The following PROC variants were observed in gnomAD, a reference collection of about 807,000 sequenced individuals.
The protein encoded by PROC is vitamin K-dependent protein C.
In PROC, 22 loss-of-function variants were observed where a neutral mutation model predicts 36.3. The ratio of observed to expected loss-of-function variants is 0.61; its 90% CI spans 0.43 to 0.86. The LOEUF (loss-of-function observed/expected upper bound fraction) is 0.86. Ranked by LOEUF, PROC falls within the 40% of genes least tolerant of loss-of-function variation. PROC has a pLI of 0.00. For synonymous variants in PROC, 218 were observed against 244.5 expected (o/e 0.89, Z 1.01); for missense variants, 526 against 629.7 (o/e 0.84, Z 1.76).
At chr2:127,427,406 G>A (rs1688584401) in intron 8 of PROC, among the ~76,000 whole-genome samples, 184 bp downstream of exon 8, 1 of 136,792 alleles carries the variant, frequency 7.3e-6, no homozygotes, top group Non-Finnish European at 1.6e-5. Context: ...TGTACACCCA[G>A]TATTTTGCAG....
chr2:127,423,527 G>T, intron 6 of PROC, 119 bp downstream of exon 6: 2 of 1,353,738 alleles, frequency 1.5e-6, no homozygotes, highest in Non-Finnish European at 2.0e-6. Context: ...GAGGAACAGA[G>T]TTGAGCCTTG....
At chr2:127,421,893 ATTGTTCAG>A (rs1344924819) in intron 3 of PROC, among the ~76,000 whole-genome samples, 1 of 152,138 alleles carries the variant, frequency 6.6e-6, no homozygotes, top group East Asian at 1.9e-4. Flanking sequence ...AGAAAATCTG[ATTGTTCAG>A]GGGGTCGGAA....
At chr2:127,421,189 G>A (rs1688069103) in intron 2 of PROC, 94 bp from the exon 3 acceptor site, 1 of 1,353,028 alleles carries the variant, frequency 7.4e-7, no homozygotes, top group African/African-American at 1.4e-5. Flanking sequence ...GACCTTCCCA[G>A]GCTCTCCCAG....
chr2:127,427,547 C>T (rs1688594302), intron 8 of PROC, among the ~76,000 whole-genome samples: 1 of 152,104 alleles, frequency 6.6e-6, no homozygotes, highest in Non-Finnish European at 1.5e-5. Context: ...CCTCAGCACC[C>T]TTGGGTGCAG....
Position 127,427,356 on chromosome 2 carries a change from T to A in PROC, c.796+134T>A. The stretch of plus-strand genomic sequence containing the variant: ...CTTCTTGAGCTCCACAGAAGGTGTT[T>A]GGGGGGAAGAGGCCTATGTGCCCCC... On this transcript the variant is annotated intron_variant, in intron 8 of 8. Coordinates refer to ENST00000234071, the MANE Select transcript of PROC (RefSeq NM_000312.4). 3 of 786,614 alleles carry A rather than the reference T, an allele frequency of 3.8e-6. No individual in the cohort carries two copies. In the East Asian group the frequency reaches 8.0e-5, roughly 21 times the overall value. The allele number at this position is 786,614 out of a possible 1,614,324, so 48.7% of individuals were successfully genotyped here. A position where few individuals can be genotyped will look rare whatever the true frequency, so the allele number is the denominator to read the frequency against.
chr2:127,423,630 T>C, intron 6 of PROC: 1 of 622,620 alleles, frequency 1.6e-6, no homozygotes, highest in Non-Finnish European at 2.5e-6. Context: ...GCTTCCTTTC[T>C]TCCTGGCGTC....
At position 127,428,904 on chromosome 2, in the gene PROC, C is replaced by T. The variant is rs367727016; in HGVS notation, c.1344C>T (p.His448=). Residue 448 remains histidine, a synonymous_variant, in exon 9 of 9, where the codon CAC becomes CAT. Coordinates refer to ENST00000234071, the MANE Select transcript of PROC (RefSeq NM_000312.4). ...GCTACCTCGACTGGATCCATGGGCA[C>T]ATCAGAGACAAGGAAGCCCCCCAGA... ...VSRYLDWIHG[H]IRDKEAPQKS... The T allele has an allele frequency of 1.9e-6, 3 of 1,613,978 alleles. No homozygotes were observed. The highest frequency in any genetic ancestry group is 1.1e-5 in the South Asian group (1 of 91,084).
At position 127,426,409 on chromosome 2, in the gene PROC, A is replaced by G; in HGVS notation, c.678+182A>G. The G allele has an allele frequency of 2.0e-6, 1 of 491,748 alleles. No homozygotes were observed. The allele number at this position is 491,748 out of a possible 1,614,324, so 30.5% of individuals were successfully genotyped here. A position where few individuals can be genotyped will look rare whatever the true frequency, so the allele number is the denominator to read the frequency against. On this transcript the variant is annotated intron_variant, in intron 7 of 8. Transcript: ENST00000234071. This position sits in a 1 kb window ranked among gnomAD's most constrained non-coding sequence, Gnocchi z 7.0. ...GCAACCTGAGGGGAGAGGAGCAGCC[A>G]GGGTGGGTGAGGGGAGGGGCATGGG...
In PROC at chr2:127,429,212, T is replaced by G; in HGVS notation, c.*266T>G. 2.1e-6 allele frequency: 1 copy of G among 476,416 alleles called. No homozygotes were observed. Among genetic ancestry groups the G allele is most frequent in the East Asian group, 3.7e-5 (1 of 27,178 alleles). The allele number at this position is 476,416 out of a possible 1,614,324, so 29.5% of individuals were successfully genotyped here. The stretch of plus-strand genomic sequence containing the variant: ...TGTGTGTTGAGGGGGATACTCTGTT[T>G]ATGAAAAAGAATAAAAAACACAACC... On this transcript the variant is annotated 3_prime_UTR_variant, in exon 9 of 9. Transcript: ENST00000234071.
chr2:127,423,668 C>G, intron 6 of PROC: 1 of 501,166 alleles, frequency 2.0e-6, no homozygotes, highest in Admixed American at 4.0e-5. Context: ...GCCCCCTGCG[C>G]ACCTGGGGCC....
rs1334535173 is a variant in PROC at position 127,418,498 on chromosome 2, T to G, written c.-22+6T>G. On this transcript the variant is annotated splice_donor_region_variant and intron_variant, in intron 1 of 8. Coordinates refer to ENST00000234071, the MANE Select transcript of PROC (RefSeq NM_000312.4). This position sits in a 1 kb window ranked among gnomAD's most constrained non-coding sequence, Gnocchi z 4.8. ...TATCTCCACGACCCGCCCCTGTGAGTCCCCCTCCAGGCAGGTCTATGAGGG... is the reference window on the plus strand; with the variant it reads ...TATCTCCACGACCCGCCCCTGTGAGGCCCCCTCCAGGCAGGTCTATGAGGG... The G allele has an allele frequency of 7.8e-7, 1 of 1,289,304 alleles. No homozygotes were observed. Among genetic ancestry groups the G allele is most frequent in the Non-Finnish European group, 1.0e-6 (1 of 988,730 alleles). 79.9% of individuals were successfully genotyped at this position (1,289,304 alleles called of 1,614,324 possible).
intron 1 of PROC, 59 bp from the exon 2 acceptor site, chr2:127,419,863 G>A (rs753795993): frequency 5.0e-6 from 8 of 1,612,512 alleles, no homozygotes; most frequent in Non-Finnish European, 6.8e-6. Flanking sequence ...TCCACCTGGG[G>A]GTGCAGGCAG....
chr2:127,426,574 C>T lies in PROC; in HGVS notation c.678+347C>T, dbSNP rs1688515104. On this transcript the variant is annotated intron_variant, in intron 7 of 8. Coordinates refer to ENST00000234071, the MANE Select transcript of PROC (RefSeq NM_000312.4). This position sits in a 1 kb window ranked among gnomAD's most constrained non-coding sequence, Gnocchi z 7.0. Reference sequence around the variant, plus strand: ...GGAGGGCCGGGCCTGAGTACCCCTCCAGCCTCCACATGGGAACTGACACTT... The same window carrying T: ...GGAGGGCCGGGCCTGAGTACCCCTCTAGCCTCCACATGGGAACTGACACTT... 3 of 389,438 alleles carry T rather than the reference C, an allele frequency of 7.7e-6. No individual in the cohort carries two copies. Among genetic ancestry groups the T allele is most frequent in the South Asian group, 6.9e-5 (3 of 43,538 alleles). The allele number at this position is 389,438 out of a possible 1,614,324, so 24.1% of individuals were successfully genotyped here.
Position 127,426,120 on chromosome 2 carries a change from G to C in PROC, c.571G>C (p.Glu191Gln), listed in dbSNP as rs777364878. ...FPCGRPWKRM[E>Q]KKRSHLKRDT... ...TTGTGGGAGGCCCTGGAAGCGGATG[G>C]AGAAGAAGCGCAGTCACCTGAAACG... is the stretch of plus-strand genomic sequence containing the variant. Residue 191 changes from glutamate (E) to glutamine (Q), a missense_variant, in exon 7 of 9, where the codon GAG becomes CAG. Physicochemically the swap from Glu to Gln is conservative, Grantham distance 29 (BLOSUM62 2). Transcript: ENST00000234071. The surrounding 1 kb of genome is among the most constrained non-coding windows in gnomAD (Gnocchi z 7.0). 7.9e-5 allele frequency: 128 copies of C among 1,614,004 alleles called. No individual in the cohort carries two copies. Among genetic ancestry groups the C allele is most frequent in the Non-Finnish European group, 1.1e-4 (124 of 1,180,038 alleles).
Position 127,428,527 on chromosome 2 carries a change from A to C in PROC, c.967A>C (p.Ser323Arg). 1.2e-6 allele frequency: 2 copies of C among 1,614,000 alleles called. No individual in the cohort carries two copies. Among genetic ancestry groups the C allele is most frequent in the South Asian group, 1.1e-5 (1 of 91,088 alleles). Residue 323 changes from serine (S) to arginine (R), a missense_variant, in exon 9 of 9, where the codon AGC becomes CGC. Transcript: ENST00000234071. ...CATAGTGCCCATCTGCCTCCCGGAC[A>C]GCGGCCTTGCAGAGCGCGAGCTCAA... ...QTIVPICLPD[S>R]GLAERELNQA...
intron 6 of PROC, among the ~76,000 whole-genome samples, chr2:127,424,915 C>T (rs558246030): frequency 1.2e-4 from 19 of 152,246 alleles, no homozygotes; most frequent in South Asian, 2.1e-4. Context: ...CCATGGTGTT[C>T]GGCCCCTCAG....
intron 2 of PROC, among the ~76,000 whole-genome samples, chr2:127,420,914 T>C (rs1199857532): frequency 1.3e-5 from 2 of 152,192 alleles, no homozygotes; most frequent in Admixed American, 1.3e-4. Context: ...TGAGTACTTA[T>C]CTCTGGGCCA....
chr2:127,427,270 G>A (rs376874216), intron 8 of PROC, 48 bp downstream of exon 8: 2 of 1,536,188 alleles, frequency 1.3e-6, no homozygotes, highest in African/African-American at 2.7e-5. Flanking sequence ...GCCTGGGTAG[G>A]GGGACCAGGC....
In PROC at chr2:127,418,730, C is replaced by T. The variant is rs948423049; in HGVS notation, c.-22+238C>T. Among the ~76,000 whole-genome samples, 10 of 152,330 alleles carry T rather than the reference C, an allele frequency of 6.6e-5. No individual in the cohort carries two copies. The highest frequency in any genetic ancestry group is 2.4e-4 in the African/African-American group (10 of 41,570). Reference sequence around the variant, plus strand: ...GGGTCCCCAGGGCCCAGGGCCATTCCAACAGACAGTTTGGAGCCCAGGACC... The same window carrying T: ...GGGTCCCCAGGGCCCAGGGCCATTCTAACAGACAGTTTGGAGCCCAGGACC... On this transcript the variant is annotated intron_variant, in intron 1 of 8. Coordinates refer to ENST00000234071, the MANE Select transcript of PROC (RefSeq NM_000312.4). The surrounding 1 kb of genome is among the most constrained non-coding windows in gnomAD (Gnocchi z 4.8).
Sources: gnomAD v4.1 joint callset for allele counts (sites outside exome capture counted in the v4.1 genomes callset) on GRCh38, gnomAD v4.1.1 for gene constraint, Gnocchi (gnomAD v3.1) non-coding constraint, MANE v1.5 for transcripts, NCBI Gene and HGNC (gene_info 2026-07-23, HGNC 2026-07-21) for gene names.